Variants in GPR107 observed in about 807,000 individuals in gnomAD.
GPR107 encodes the protein protein GPR107.
GPR107 carries 31 observed loss-of-function variants against 75.5 expected under a neutral mutation model. The observed-to-expected ratio is 0.41, with a 90% CI of 0.31 to 0.55. GPR107 has a LOEUF of 0.55. GPR107 is among the 20% of genes least tolerant of loss of function. The pLI is 0.26. For synonymous variants in GPR107, 267 were observed against 251.3 expected (o/e 1.06, Z -0.59); for missense variants, 572 against 665.7 (o/e 0.86, Z 1.55).
At chr9:130,060,566 C>T (rs4836687) in intron 1 of GPR107, among the ~76,000 whole-genome samples, 137,667 of 152,046 alleles carry the variant, frequency 0.91, 62,767 homozygotes, top group East Asian at 0.97. Flanking sequence ...ACTACAGATG[C>T]TTGCCACTGT....
At chr9:130,070,359 G>T (rs759997330) in intron 1 of GPR107, among the ~76,000 whole-genome samples, 1 of 151,950 alleles carries the variant, frequency 6.6e-6, no homozygotes, top group Admixed American at 6.6e-5. Flanking sequence ...GCTAGAGTGC[G>T]GTGGCGTGAT....
rs115227624 is a variant in GPR107 at position 130,109,896 on chromosome 9, G to A, written c.1306+2357G>A. 5.2e-3 allele frequency among the ~76,000 whole-genome samples: 798 copies of A among 152,240 alleles called. 7 individuals are homozygous for A. The highest frequency in any genetic ancestry group is 0.018 in the African/African-American group (761 of 41,540). ...GCTTTTTCTTATTTTAATATATCGC[G>A]ATGAGACCATTTAACTTTATTATCT... On this transcript the variant is annotated intron_variant, in intron 14 of 17. Coordinates refer to ENST00000347136, the MANE Select transcript of GPR107 (RefSeq NM_020960.5).
At chr9:130,101,051 G>T in intron 11 of GPR107, 55 bp from the exon 12 acceptor site, 1 of 970,318 alleles carries the variant, frequency 1.0e-6, no homozygotes, top group South Asian at 1.3e-5. Flanking sequence ...CAATCTAACT[G>T]GCAGTGAGAG....
intron 17 of GPR107, among the ~76,000 whole-genome samples, chr9:130,130,635 GC>G (rs1229952686): frequency 6.6e-6 from 1 of 152,144 alleles, no homozygotes; most frequent in African/African-American, 2.4e-5. Flanking sequence ...ACTTTAGGAG[GC>G]CGAGGCAGGC....
At position 130,130,417 on chromosome 9, in the gene GPR107, C is replaced by T. The variant is rs567318291; in HGVS notation, c.1562+1656C>T. Among the ~76,000 whole-genome samples, 26 of 152,286 alleles carry T rather than the reference C, an allele frequency of 1.7e-4. No individual in the cohort carries two copies. The South Asian group carries it at 4.4e-3, about 25-fold the overall frequency. On this transcript the variant is annotated intron_variant, in intron 17 of 17. Coordinates refer to ENST00000347136, the MANE Select transcript of GPR107 (RefSeq NM_020960.5). ...TCTCCCTGGGGTTCCCATTCCAGAA[C>T]GCTGTCCTCATTCATGGTTGCTGTT... is the stretch of plus-strand genomic sequence containing the variant.
At chr9:130,132,829 T>TTATA (rs35291670) in intron 17 of GPR107, among the ~76,000 whole-genome samples, 53 of 147,700 alleles carry the variant, frequency 3.6e-4, no homozygotes, top group Admixed American at 8.8e-4. Context: ...TTTTATATAT[T>TTATA]TATATATATA....
At chr9:130,072,977 A>G (rs539075059) in intron 1 of GPR107, among the ~76,000 whole-genome samples, 1 of 152,304 alleles carries the variant, frequency 6.6e-6, no homozygotes, top group South Asian at 2.1e-4. Context: ...GAACGTAGAC[A>G]CACTCATGCA....
chr9:130,056,775 A>G (rs1427226028), intron 1 of GPR107, among the ~76,000 whole-genome samples: 1 of 151,448 alleles, frequency 6.6e-6, no homozygotes, highest in Non-Finnish European at 1.5e-5. Context: ...AATACAAAAA[A>G]TTAGCCAGGC....
At chr9:130,090,057 C>T (rs1048872038) in intron 7 of GPR107, among the ~76,000 whole-genome samples, 2 of 152,046 alleles carry the variant, frequency 1.3e-5, no homozygotes, top group Non-Finnish European at 2.9e-5. Flanking sequence ...TAGAGCAACC[C>T]GTCATGAAAA....
rs768427883 is a variant in GPR107, at chr9:130,107,509, T to A, written c.1276T>A (p.Leu426Ile). Residue 426 changes from leucine (L) to isoleucine (I), a missense_variant, in exon 14 of 18, where the codon TTA (leucine) becomes ATA (isoleucine). Transcript: ENST00000347136. ...GTTTATTTTTAGGTCAATCAGACAT[T>A]TACAAGAAGCATCAGCAACAGATGG... Reference protein sequence around the residue: ...LFPVVWSIRHLQEASATDGKA... With the variant: ...LFPVVWSIRHIQEASATDGKA... The A allele has an allele frequency of 6.3e-7, 1 of 1,595,798 alleles. No individual in the cohort carries two copies. The highest frequency in any genetic ancestry group is 1.1e-5 in the South Asian group (1 of 90,748).
intron 17 of GPR107, chr9:130,129,676 G>C (rs1225265383): frequency 1.3e-5 from 2 of 152,324 alleles, no homozygotes; most frequent in Non-Finnish European, 2.9e-5. Context: ...CCCATCAGCT[G>C]TGCCTTTCCC....
intron 1 of GPR107, among the ~76,000 whole-genome samples, chr9:130,065,940 G>C (rs1830058588): frequency 6.6e-6 from 1 of 151,640 alleles, no homozygotes. Flanking sequence ...ATACTGCTTT[G>C]TGAATTCTGA....
chr9:130,087,664 G>A (rs1246250636), intron 7 of GPR107, among the ~76,000 whole-genome samples: 1 of 151,934 alleles, frequency 6.6e-6, no homozygotes, highest in African/African-American at 2.4e-5. Context: ...GTAGCCAGGT[G>A]TGATGGCATG....
intron 17 of GPR107, among the ~76,000 whole-genome samples, chr9:130,132,159 GCAGGCGTGAGCTGCCCTGGGAATA>G (rs1225500006): frequency 3.7e-4 from 56 of 152,272 alleles, no homozygotes; most frequent in Non-Finnish European, 5.1e-4. Context: ...TGCTGGGAAT[GCAGGCGTGAGCTGCCCTGGGAATA>G]CAGGTGTGCC....
At chr9:130,080,724 C>G (rs1015479848) in intron 5 of GPR107, among the ~76,000 whole-genome samples, 3 of 151,236 alleles carry the variant, frequency 2.0e-5, no homozygotes, top group African/African-American at 4.8e-5. Flanking sequence ...ATCTCCCGAC[C>G]TCGTGATCCG....
chr9:130,059,357 G>A (rs1201217822), intron 1 of GPR107, among the ~76,000 whole-genome samples: 2 of 152,024 alleles, frequency 1.3e-5, no homozygotes, highest in South Asian at 2.1e-4. Flanking sequence ...GTGCGGTGGC[G>A]GGCGCCTGCA....
At chr9:130,083,081 C>G (rs563386218) in intron 5 of GPR107, among the ~76,000 whole-genome samples, 2 of 151,838 alleles carry the variant, frequency 1.3e-5, no homozygotes, top group African/African-American at 2.4e-5. Context: ...CCACCATGCC[C>G]GACTAATTTT....
intron 14 of GPR107, among the ~76,000 whole-genome samples, chr9:130,121,309 C>G (rs1831540978): frequency 6.6e-6 from 1 of 152,146 alleles, no homozygotes; most frequent in African/African-American, 2.4e-5. Flanking sequence ...CACACTAACA[C>G]TAACGATAGC....
intron 8 of GPR107, among the ~76,000 whole-genome samples, chr9:130,091,586 T>G (rs1024004513): frequency 7.3e-5 from 11 of 149,720 alleles, no homozygotes; most frequent in African/African-American, 2.7e-4. Flanking sequence ...TGGAGTGCAA[T>G]GGCATGATCT....
Sources: gnomAD v4.1 joint callset for allele counts (sites outside exome capture counted in the v4.1 genomes callset) on GRCh38, gnomAD v4.1.1 for gene constraint, MANE v1.5 for transcripts, NCBI Gene and HGNC (gene_info 2026-07-23, HGNC 2026-07-21) for gene names.